CCBE1: variants seen among roughly 807,000 people sequenced by gnomAD.
CCBE1 encodes the protein collagen and calcium binding EGF domains 1.
CCBE1 carries 37 observed loss-of-function variants against 50.0 expected under a neutral mutation model. The ratio of observed to expected loss-of-function variants is 0.74; its 90% CI spans 0.57 to 0.97. The LOEUF (loss-of-function observed/expected upper bound fraction) is 0.97. Among genes scored for constraint, CCBE1 ranks in the 50% least tolerant of loss-of-function variants. The pLI is 0.00. For synonymous variants in CCBE1, 234 were observed against 203.7 expected (o/e 1.15, Z -1.27); for missense variants, 538 against 523.8 (o/e 1.03, Z -0.26).
chr18:59,444,691 A>G (rs950274093), intron 7 of CCBE1, among the ~76,000 whole-genome samples: 3 of 151,730 alleles, frequency 2.0e-5, no homozygotes, highest in Non-Finnish European at 4.4e-5. Context: ...TCTTATACAG[A>G]CAGGGTCTCC....
At chr18:59,441,168 T>G (rs1177201654) in intron 7 of CCBE1, among the ~76,000 whole-genome samples, 1 of 152,218 alleles carries the variant, frequency 6.6e-6, no homozygotes, top group Non-Finnish European at 1.5e-5. Context: ...CAGTCTCTAC[T>G]GTTTCTCTGC....
intron 2 of CCBE1, among the ~76,000 whole-genome samples, chr18:59,516,761 G>A (rs1914392412): frequency 6.6e-6 from 1 of 152,186 alleles, no homozygotes; most frequent in Admixed American, 6.5e-5. Context: ...GAATGTGGCA[G>A]GAGTGTAAGA....
At chr18:59,666,253 A>AC (rs1467461142) in intron 2 of CCBE1, 3 of 152,094 alleles carry the variant, frequency 2.0e-5, no homozygotes, top group Non-Finnish European at 4.4e-5. Context: ...GGAAAAACCC[A>AC]CCCCTATGAT....
At chr18:59,591,026 C>G (rs1238687067) in intron 2 of CCBE1, among the ~76,000 whole-genome samples, 1 of 33,036 alleles carries the variant, frequency 3.0e-5, no homozygotes, top group Non-Finnish European at 4.8e-5. Context: ...GGGTGGATCA[C>G]GAGGTCAGGA....
chr18:59,453,531 A>G (rs1911037980), intron 6 of CCBE1, among the ~76,000 whole-genome samples: 2 of 152,214 alleles, frequency 1.3e-5, no homozygotes, highest in South Asian at 4.1e-4. Flanking sequence ...TCACGTCATC[A>G]GAGTCGTAAA....
intron 2 of CCBE1, among the ~76,000 whole-genome samples, chr18:59,485,974 T>G (rs8093351): frequency 0.019 from 2,918 of 152,022 alleles, 84 homozygotes; most frequent in African/African-American, 0.065. Flanking sequence ...GTTAAGGTAA[T>G]GTGTAACAAA....
intron 2 of CCBE1, among the ~76,000 whole-genome samples, chr18:59,572,738 C>T (rs1208390694): frequency 2.0e-5 from 3 of 152,284 alleles, no homozygotes; most frequent in Non-Finnish European, 2.9e-5. Flanking sequence ...AACTGAATCC[C>T]AGAACCATTT....
chr18:59,532,587 T>C (rs918858629), intron 2 of CCBE1, among the ~76,000 whole-genome samples: 1 of 152,180 alleles, frequency 6.6e-6, no homozygotes, highest in Non-Finnish European at 1.5e-5. Flanking sequence ...TGCCTCCCAT[T>C]TTCTCATATG....
chr18:59,473,564 A>G (rs1912139786), intron 3 of CCBE1, among the ~76,000 whole-genome samples: 1 of 107,056 alleles, frequency 9.3e-6, no homozygotes, highest in Non-Finnish European at 1.9e-5. Context: ...TTTATGTCTA[A>G]TATTCTCATC....
intron 2 of CCBE1, among the ~76,000 whole-genome samples, chr18:59,671,398 T>G (rs890425399): frequency 6.6e-6 from 1 of 150,752 alleles, no homozygotes; most frequent in Non-Finnish European, 1.5e-5. Context: ...CCTGGGAGGC[T>G]AAAGTGGGAA....
intron 2 of CCBE1, among the ~76,000 whole-genome samples, chr18:59,498,480 A>G (rs1472238346): frequency 6.6e-6 from 1 of 152,214 alleles, no homozygotes; most frequent in East Asian, 1.9e-4. Context: ...TGAGACTTGC[A>G]TTCTAACAGT....
intron 2 of CCBE1, among the ~76,000 whole-genome samples, chr18:59,608,765 A>G (rs2053533463): frequency 6.6e-6 from 1 of 152,200 alleles, no homozygotes; most frequent in African/African-American, 2.4e-5. Context: ...TTAGCACATG[A>G]AAGTGTTCAT....
At chr18:59,550,998 C>CAAAAAAAAAAAAAAAAAAAGAAAAA (rs1915894261) in intron 2 of CCBE1, among the ~76,000 whole-genome samples, 1 of 71,362 alleles carries the variant, frequency 1.4e-5, no homozygotes, top group Non-Finnish European at 2.6e-5. Flanking sequence ...CAGCGAGACT[C>CAAAAAAAAAAAAAAAAAAAGAAAAA]AAAAAAAAAA....
At chr18:59,583,423 C>T (rs565501189) in intron 2 of CCBE1, among the ~76,000 whole-genome samples, 17 of 152,224 alleles carry the variant, frequency 1.1e-4, no homozygotes, top group South Asian at 2.1e-4. Context: ...CTGATCTGAC[C>T]GTAACTTCTC....
intron 2 of CCBE1, among the ~76,000 whole-genome samples, chr18:59,550,613 C>T (rs1014535815): frequency 6.6e-6 from 1 of 152,164 alleles, no homozygotes; most frequent in African/African-American, 2.4e-5. Flanking sequence ...CCTGCCCAAA[C>T]CGTGAGCCCT....
intron 2 of CCBE1, among the ~76,000 whole-genome samples, chr18:59,604,589 A>G (rs1012454978): frequency 1.3e-5 from 2 of 152,236 alleles, no homozygotes; most frequent in African/African-American, 2.4e-5. Context: ...AGAGCTGATC[A>G]TCTACTTCTG....
chr18:59,633,215 C>A (rs1265757865), intron 2 of CCBE1, among the ~76,000 whole-genome samples: 2 of 152,204 alleles, frequency 1.3e-5, no homozygotes, highest in African/African-American at 4.8e-5. Context: ...TATGCAATTA[C>A]ACAAGGATGA....
chr18:59,469,343 G>C, intron 4 of CCBE1, 130 bp downstream of exon 4: 1 of 1,249,998 alleles, frequency 8.0e-7, no homozygotes, highest in South Asian at 1.2e-5. Flanking sequence ...GCAGTGATAA[G>C]CTATCCCTAG....
chr18:59,497,618 A>G (rs1219165752), intron 2 of CCBE1, among the ~76,000 whole-genome samples: 1 of 152,158 alleles, frequency 6.6e-6, no homozygotes, highest in African/African-American at 2.4e-5. Context: ...GGGACACCGC[A>G]CTATTCAATC....
Sources: gnomAD v4.1 joint callset for allele counts (sites outside exome capture counted in the v4.1 genomes callset) on GRCh38, gnomAD v4.1.1 for gene constraint, MANE v1.5 for transcripts, NCBI Gene and HGNC (gene_info 2026-07-23, HGNC 2026-07-21) for gene names.